Variants in AGAP3 observed in about 807,000 individuals in gnomAD.
AGAP3 encodes the protein ArfGAP with GTPase domain, ankyrin repeat and PH domain 3.
A neutral mutation model predicts 96.9 loss-of-function variants in AGAP3; 24 were observed. The observed-to-expected ratio is 0.25, with a 90% CI of 0.18 to 0.35. The LOEUF is 0.35. AGAP3 is among the 10% of genes least tolerant of loss of function. AGAP3 has a pLI of 1.00. For missense variants in AGAP3, 876 were observed against 1,254.2 expected, an observed-to-expected ratio of 0.70 and a Z score of 4.55; for synonymous variants, 563 against 536.1, an observed-to-expected ratio of 1.05 and a Z score of -0.69.
rs1260799282 is a variant in AGAP3 at position 151,138,132 on chromosome 7, C to T, written c.1496-11C>T. 4 of 1,578,556 alleles carry T rather than the reference C, an allele frequency of 2.5e-6. No individual in the cohort carries two copies. The Admixed American group carries it at 5.3e-5, about 21-fold the overall frequency. ...GGCCTCCCTTCCCAGTCTGACCCTT[C>T]CCGCCCCCAGGTGCCCCCCACTCGG... is the stretch of plus-strand genomic sequence containing the variant. On this transcript the variant is annotated splice_polypyrimidine_tract_variant and intron_variant, in intron 11 of 17. Transcript: ENST00000397238.
chr7:151,126,662 G>A (rs1043836670), intron 9 of AGAP3, among the ~76,000 whole-genome samples: 1 of 152,190 alleles, frequency 6.6e-6, no homozygotes, highest in Non-Finnish European at 1.5e-5. Flanking sequence ...CAGCGGGAGG[G>A]GGAACAGCTG....
chr7:151,093,206 G>T (rs983831418), intron 1 of AGAP3, among the ~76,000 whole-genome samples: 1 of 152,186 alleles, frequency 6.6e-6, no homozygotes, highest in African/African-American at 2.4e-5. Context: ...CAGTGGTGCA[G>T]TCCTAGCTCA....
In AGAP3 at chr7:151,118,774, T is replaced by C; in HGVS notation, c.969+142T>C. On this transcript the variant is annotated intron_variant, in intron 7 of 17. Transcript: ENST00000397238. This position sits in a 1 kb window ranked among gnomAD's most constrained non-coding sequence, Gnocchi z 6.1. ...CAGCCTTGCATGTTGCTTGGAAACA[T>C]TGGTTGGAATTCCATTTAGCCGGCA... is the stretch of plus-strand genomic sequence containing the variant. 2 of 1,241,162 alleles carry C rather than the reference T, an allele frequency of 1.6e-6. No homozygotes were observed. The highest frequency in any genetic ancestry group is 4.7e-5 in the East Asian group (2 of 42,604). The allele number at this position is 1,241,162 out of a possible 1,614,324, so 76.9% of individuals were successfully genotyped here.
Position 151,142,184 on chromosome 7 carries a change from G to A in AGAP3, c.1981G>A (p.Ala661Thr), listed in dbSNP as rs571164308. 33 of 1,613,828 alleles carry A rather than the reference G, an allele frequency of 2.0e-5. No individual in the cohort carries two copies. The highest frequency in any genetic ancestry group is 6.7e-5 in the Admixed American group (4 of 60,016). Residue 661 changes from alanine (A) to threonine (T), a missense_variant, in exon 15 of 18, where the codon GCA becomes ACA. This residue lies in a region of AGAP3 where 103 missense variants were observed against 183.0 expected (regional missense o/e 0.56). Coordinates refer to ENST00000397238, the MANE Select transcript of AGAP3 (RefSeq NM_031946.7). This position sits in a 1 kb window ranked among gnomAD's most constrained non-coding sequence, Gnocchi z 7.5. ...KDKTRLGNQN[A>T]ALAVQAVRTV... is the part of the protein sequence containing the mutation. ...ACAGACTCGACTGGGGAACCAGAAC[G>A]CAGCTCTGGCTGTGCAGGCCGTCCG...
At chr7:151,093,995 C>T (rs567317433) in intron 1 of AGAP3, among the ~76,000 whole-genome samples, 21 of 152,300 alleles carry the variant, frequency 1.4e-4, no homozygotes, top group African/African-American at 5.1e-4. Flanking sequence ...CTGAGGCTGC[C>T]TCTGTCATGC....
Position 151,114,488 on chromosome 7 carries a change from C to G in AGAP3, c.332-2305C>G, listed in dbSNP as rs529907169. On this transcript the variant is annotated intron_variant, in intron 1 of 17. Transcript: ENST00000397238. The surrounding 1 kb of genome is among the most constrained non-coding windows in gnomAD (Gnocchi z 4.4). Reference sequence around the variant, plus strand: ...GCCCTGGGCTGGAATTTCCTGTTTTCGAGGGCTCCCAGGGGCTGCCCCAGC... The same window carrying G: ...GCCCTGGGCTGGAATTTCCTGTTTTGGAGGGCTCCCAGGGGCTGCCCCAGC... 1.6e-3 allele frequency among the ~76,000 whole-genome samples: 243 copies of G among 152,338 alleles called. No homozygotes were observed. Among genetic ancestry groups the G allele is most frequent in the African/African-American group, 5.7e-3 (235 of 41,586 alleles).
intron 3 of AGAP3, 80 bp downstream of exon 3, chr7:151,117,262 T>C: frequency 6.4e-7 from 1 of 1,573,056 alleles, no homozygotes; most frequent in Non-Finnish European, 8.7e-7. Flanking sequence ...GTGGGGGGTC[T>C]CCAGCCCCCT....
At position 151,096,998 on chromosome 7, in the gene AGAP3, T is replaced by G. The variant is rs1279426058; in HGVS notation, c.331+9926T>G. Reference sequence around the variant, plus strand: ...CGGGGTTTTACCATGTTGGCCAGGGTGGTCTCGAACTCCTGACCTCAGGTG... The same window carrying G: ...CGGGGTTTTACCATGTTGGCCAGGGGGGTCTCGAACTCCTGACCTCAGGTG... On this transcript the variant is annotated intron_variant, in intron 1 of 17. Coordinates refer to ENST00000397238, the MANE Select transcript of AGAP3 (RefSeq NM_031946.7). The surrounding 1 kb of genome is among the most constrained non-coding windows in gnomAD (Gnocchi z 4.4). Among the ~76,000 whole-genome samples, 1 of 151,128 alleles carries G rather than the reference T, an allele frequency of 6.6e-6. No individual in the cohort carries two copies. The highest frequency in any genetic ancestry group is 1.5e-5 in the Non-Finnish European group (1 of 67,800).
At position 151,143,862 on chromosome 7, in the gene AGAP3, C is replaced by G. The variant is rs1200186338; in HGVS notation, c.2655C>G (p.Gly885=). Residue 885 remains glycine (G), a synonymous_variant, in exon 18 of 18, where the codon GGC becomes GGG. Transcript: ENST00000397238. This position sits in a 1 kb window ranked among gnomAD's most constrained non-coding sequence, Gnocchi z 5.9. Reference sequence around the variant, plus strand: ...ATGGCTGCCCTGGGGAGGGCTGTGGCTTAGCGCCTACCCCCAACAGAGAGC... The same window carrying G: ...ATGGCTGCCCTGGGGAGGGCTGTGGGTTAGCGCCTACCCCCAACAGAGAGC... ...IQHGCPGEGC[G]LAPTPNREPA... 6.2e-7 allele frequency: 1 copy of G among 1,613,990 alleles called. No individual in the cohort carries two copies. The highest frequency in any genetic ancestry group is 1.7e-5 in the Admixed American group (1 of 60,028).
At chr7:151,103,887 G>A (rs572709382) in intron 1 of AGAP3, among the ~76,000 whole-genome samples, 2 of 152,184 alleles carry the variant, frequency 1.3e-5, no homozygotes, top group Non-Finnish European at 2.9e-5. Flanking sequence ...GCTGGCTGGC[G>A]CTGGGTGTTT....
At chr7:151,115,105 G>A in intron 1 of AGAP3, 2 of 1,031,656 alleles carry the variant, frequency 1.9e-6, no homozygotes, top group Non-Finnish European at 2.3e-6. Flanking sequence ...ACCCGGCGCA[G>A]CCGCACCCGC....
chr7:151,128,386 A>G (rs1472829583), intron 9 of AGAP3, 194 bp from the exon 10 acceptor site: 2 of 554,208 alleles, frequency 3.6e-6, no homozygotes, highest in African/African-American at 1.9e-5. Context: ...GATGGGGGAG[A>G]GCCGAGTTCT....
chr7:151,112,736 C>A (rs558378751), intron 1 of AGAP3, among the ~76,000 whole-genome samples: 1 of 152,196 alleles, frequency 6.6e-6, no homozygotes, highest in South Asian at 2.1e-4. Context: ...GTAGCTGGGA[C>A]CACAGGCTCG....
intron 10 of AGAP3, among the ~76,000 whole-genome samples, chr7:151,129,548 C>T (rs1262594420): frequency 3.3e-5 from 5 of 152,206 alleles, no homozygotes; most frequent in African/African-American, 7.2e-5. Context: ...GGCAATGGTC[C>T]TCCCCCTCAG....
At chr7:151,122,850 C>T in intron 8 of AGAP3, 3 of 1,606,774 alleles carry the variant, frequency 1.9e-6, no homozygotes, top group Non-Finnish European at 1.7e-6. Context: ...GGAGGCGGGC[C>T]GGGCCCTGGG....
intron 8 of AGAP3, among the ~76,000 whole-genome samples, chr7:151,122,519 G>GCCGCCT (rs1348662678): frequency 1.9e-4 from 28 of 151,214 alleles, no homozygotes; most frequent in African/African-American, 5.4e-4. Context: ...CGCCGCCGCC[G>GCCGCCT]CCTCCTCCTC....
intron 1 of AGAP3, among the ~76,000 whole-genome samples, chr7:151,112,898 A>C (rs1799357090): frequency 1.3e-5 from 2 of 150,620 alleles, no homozygotes; most frequent in South Asian, 2.1e-4. Flanking sequence ...CACGGTGCCT[A>C]ATTTTTTGTA....
At chr7:151,109,839 A>T (rs1799209757) in intron 1 of AGAP3, among the ~76,000 whole-genome samples, 1 of 152,192 alleles carries the variant, frequency 6.6e-6, no homozygotes, top group South Asian at 2.1e-4. Context: ...CAGTGATCCC[A>T]GCGTCCACTC....
chr7:151,134,586 G>T lies in AGAP3; in HGVS notation c.1495+18G>T. On this transcript the variant is annotated intron_variant, in intron 11 of 17. Transcript: ENST00000397238. The stretch of plus-strand genomic sequence containing the variant: ...GGGCACAGGTGAGGCGGCTGCTGAG[G>T]TGGGGGCCTGGGGGGTGGCTGCCTT... The T allele has an allele frequency of 5.7e-6, 9 of 1,588,062 alleles. No individual in the cohort carries two copies. Among genetic ancestry groups the T allele is most frequent in the Non-Finnish European group, 7.7e-6 (9 of 1,164,546 alleles).
Sources: allele counts gnomAD v4.1 joint callset (sites outside exome capture counted in the v4.1 genomes callset), GRCh38; gene constraint gnomAD v4.1.1; regional missense constraint gnomAD v4.1.1; non-coding constraint Gnocchi (gnomAD v3.1); transcripts MANE v1.5; gene names NCBI Gene and HGNC (gene_info 2026-07-23, HGNC 2026-07-21).